TRAF2: variants seen among roughly 807,000 people sequenced by gnomAD.
TRAF2 encodes TNF receptor-associated factor 2.
A neutral mutation model predicts 55.6 loss-of-function variants in TRAF2; 6 were observed. That is an observed-to-expected ratio of 0.11 (90% CI 0.06 to 0.21). TRAF2 has a LOEUF of 0.21. Among genes scored for constraint, TRAF2 ranks in the 10% least tolerant of loss-of-function variants. TRAF2 has a pLI of 1.00. For missense variants in TRAF2, 561 were observed against 684.5 expected (o/e 0.82, Z 2.01); for synonymous variants, 329 against 276.3 (o/e 1.19, Z -1.89).
chr9:136,926,352 A>G lies in TRAF2; in HGVS notation c.*451A>G. ...AGGAGAAGGGCCTCCTGCTGGCCAG[A>G]GCAAGGAAGGCTGAGCAGCTTGGTT... On this transcript the variant is annotated 3_prime_UTR_variant, in exon 11 of 11. Coordinates refer to ENST00000247668, the MANE Select transcript of TRAF2 (RefSeq NM_021138.4). The G allele has an allele frequency of 2.9e-6, 1 of 345,088 alleles. No homozygotes were observed. Among genetic ancestry groups the G allele is most frequent in the South Asian group, 2.3e-5 (1 of 44,064 alleles). The allele number at this position is 345,088 out of a possible 1,614,324, so 21.4% of individuals were successfully genotyped here. A position where few individuals can be genotyped will look rare whatever the true frequency, so the allele number is the denominator to read the frequency against.
At chr9:136,906,809 C>T (rs1226562485) in intron 4 of TRAF2, among the ~76,000 whole-genome samples, 5 of 152,216 alleles carry the variant, frequency 3.3e-5, no homozygotes, top group Admixed American at 1.3e-4. Flanking sequence ...GGCAGGTCCA[C>T]GTGGCTCCCC....
At chr9:136,901,772 AC>A (rs1337053005) in intron 4 of TRAF2, among the ~76,000 whole-genome samples, 2 of 152,060 alleles carry the variant, frequency 1.3e-5, no homozygotes, top group African/African-American at 4.8e-5. Context: ...GCTCAGCCGG[AC>A]CCTGGGGTGT....
chr9:136,920,323 C>T lies in TRAF2; in HGVS notation c.768C>T (p.Pro256=). Reference sequence around the variant, plus strand: ...TGAGCTCGGTGCTGGAGGCAAAGCCCCTCTTGGGAGACCAGAGCCACGCGG... The same window carrying T: ...TGAGCTCGGTGCTGGAGGCAAAGCCTCTCTTGGGAGACCAGAGCCACGCGG... The part of the protein sequence containing the change: ...MLLSSVLEAK[P]LLGDQSHAGS... The change falls in exon 8 of 11, where the codon CCC becomes CCT. Residue 256 remains proline, a synonymous_variant. Coordinates refer to ENST00000247668, the MANE Select transcript of TRAF2 (RefSeq NM_021138.4). 2 of 1,614,012 alleles carry T rather than the reference C, an allele frequency of 1.2e-6. No individual in the cohort carries two copies. The highest frequency in any genetic ancestry group is 8.5e-7 in the Non-Finnish European group (1 of 1,180,044).
chr9:136,917,405 C>T, intron 7 of TRAF2, among the ~76,000 whole-genome samples: 1 of 152,206 alleles, frequency 6.6e-6, no homozygotes, highest in East Asian at 1.9e-4. Flanking sequence ...CCAGGTGGAC[C>T]CCCCTGCTCC....
rs1437007207 is a variant in TRAF2 at position 136,898,783 on chromosome 9, C to T, written c.43C>T (p.Leu15=). 3 of 1,613,726 alleles carry T rather than the reference C, an allele frequency of 1.9e-6. No individual in the cohort carries two copies. The highest frequency in any genetic ancestry group is 4.5e-5 in the East Asian group (2 of 44,884). Residue 15 remains leucine (L), a synonymous_variant, in exon 2 of 11, where the codon CTA becomes TTA. Transcript: ENST00000247668. ...GACCCCCCCTGGCTCCCTGGAGTTG[C>T]TACAGCCCGGCTTCTCCAAGACCCT... The part of the protein sequence containing the change: ...SVTPPGSLEL[L]QPGFSKTLLG...
At chr9:136,916,782 C>A in intron 7 of TRAF2, 167 bp downstream of exon 7, 1 of 660,950 alleles carries the variant, frequency 1.5e-6, no homozygotes. Context: ...GGTCTCTGGG[C>A]TGGCAGCCCT....
chr9:136,911,082 T>G (rs1047624766), intron 6 of TRAF2, among the ~76,000 whole-genome samples: 2 of 152,148 alleles, frequency 1.3e-5, no homozygotes, highest in African/African-American at 4.8e-5. Flanking sequence ...TGTCAGCCCT[T>G]GTCTGTCCTG....
intron 1 of TRAF2, among the ~76,000 whole-genome samples, chr9:136,895,074 G>T (rs1228236521): frequency 1.3e-5 from 2 of 152,142 alleles, no homozygotes; most frequent in African/African-American, 2.4e-5. Flanking sequence ...CCTCTTTCTG[G>T]CACAGCAACC....
At chr9:136,908,698 C>T (rs138106063) in intron 5 of TRAF2, among the ~76,000 whole-genome samples, 1 of 152,104 alleles carries the variant, frequency 6.6e-6, no homozygotes, top group Non-Finnish European at 1.5e-5. Context: ...AACCCTGTCT[C>T]TACTAAAAAT....
intron 6 of TRAF2, among the ~76,000 whole-genome samples, chr9:136,912,178 T>G (rs12004364): frequency 1.9e-5 from 1 of 53,074 alleles, no homozygotes; most frequent in Admixed American, 1.9e-4. Context: ...TTTTTTTTTT[T>G]TGGAGACAGA....
rs1850370471 is a variant in TRAF2, at chr9:136,920,983, G to A, written c.961-55G>A. On this transcript the variant is annotated intron_variant, in intron 8 of 10. Transcript: ENST00000247668. Reference sequence around the variant, plus strand: ...GGAGATCGGTGGGTGTGGGAGGCAGGGGCTCGTGCCCGCACCCCTCCTGTA... The same window carrying A: ...GGAGATCGGTGGGTGTGGGAGGCAGAGGCTCGTGCCCGCACCCCTCCTGTA... 1.9e-6 allele frequency: 3 copies of A among 1,598,628 alleles called. No individual in the cohort carries two copies. In the African/African-American group the frequency reaches 4.0e-5, roughly 21 times the overall value.
intron 4 of TRAF2, among the ~76,000 whole-genome samples, chr9:136,906,116 A>AC (rs1357146613): frequency 2.0e-5 from 3 of 151,884 alleles, no homozygotes; most frequent in Non-Finnish European, 4.4e-5. Flanking sequence ...AAAACAAAAA[A>AC]CCAAGATGGC....
At chr9:136,898,000 G>T (rs527759271) in intron 1 of TRAF2, among the ~76,000 whole-genome samples, 1 of 129,450 alleles carries the variant, frequency 7.7e-6, no homozygotes, top group South Asian at 2.8e-4. Flanking sequence ...GAGTGCACTA[G>T]CCAGCCTCAG....
chr9:136,885,250 G>A (rs1373289334), upstream of TRAF2, among the ~76,000 whole-genome samples: 1 of 152,220 alleles, frequency 6.6e-6, no homozygotes, highest in Non-Finnish European at 1.5e-5. Context: ...CATCCTTGAG[G>A]AGTCCCGTGG....
chr9:136,908,265 C>T (rs1850006620), intron 5 of TRAF2, 34 bp downstream of exon 5: 3 of 1,530,574 alleles, frequency 2.0e-6, no homozygotes, highest in Non-Finnish European at 1.7e-6. Context: ...TGTGTGGCTG[C>T]AGCCATGCGG....
chr9:136,920,055 CCTGA>C (rs775129385), intron 7 of TRAF2, among the ~76,000 whole-genome samples, 175 bp from the exon 8 acceptor site: 1 of 152,196 alleles, frequency 6.6e-6, no homozygotes. Context: ...TTTAAACACA[CCTGA>C]CTTTCAGTCT....
chr9:136,901,260 C>T (rs968689806), intron 4 of TRAF2, among the ~76,000 whole-genome samples: 14 of 152,208 alleles, frequency 9.2e-5, no homozygotes, highest in African/African-American at 3.1e-4. Flanking sequence ...ATGCAGTCTT[C>T]CTTCTTGTAA....
At chr9:136,911,314 G>T (rs1228740070) in intron 6 of TRAF2, among the ~76,000 whole-genome samples, 7 of 147,642 alleles carry the variant, frequency 4.7e-5, no homozygotes, top group African/African-American at 1.8e-4. Context: ...TGTTGCCCAG[G>T]AGTGCAATGG....
intron 1 of TRAF2, among the ~76,000 whole-genome samples, chr9:136,888,059 T>G (rs1233054503): frequency 1.3e-5 from 2 of 151,582 alleles, no homozygotes; most frequent in Non-Finnish European, 2.9e-5. Context: ...TTAGTAGAGA[T>G]AGGGTTTCAT....
Sources: allele counts gnomAD v4.1 joint callset (sites outside exome capture counted in the v4.1 genomes callset), GRCh38; gene constraint gnomAD v4.1.1; transcripts MANE v1.5; gene names NCBI Gene and HGNC (gene_info 2026-07-23, HGNC 2026-07-21).